TMEM114: variants seen among roughly 807,000 people sequenced by gnomAD.
TMEM114 encodes the protein claudin-26.
TMEM114 carries 6 observed loss-of-function variants against 6.2 expected under a neutral mutation model. The ratio of observed to expected loss-of-function variants is 0.97; its 90% confidence interval spans 0.53 to 1.91. The LOEUF (loss-of-function observed/expected upper bound fraction) is 1.91. Ranked by LOEUF, TMEM114 falls within the 40% of genes most tolerant of loss-of-function variation. The pLI, the probability that TMEM114 is intolerant of heterozygous loss-of-function variation, is 0.01. For missense variants in TMEM114, 218 were observed against 158.3 expected (o/e 1.38, Z -2.02); for synonymous variants, 104 against 73.0 (o/e 1.42, Z -2.16).
At chr16:8,551,750 T>A (rs1900850322) in intron 2 of TMEM114, among the ~76,000 whole-genome samples, 1 of 152,210 alleles carries the variant, frequency 6.6e-6, no homozygotes, top group South Asian at 2.1e-4. Flanking sequence ...ACAGTGTGTT[T>A]CTAGGGGTGT....
At chr16:8,564,265 T>G (rs11866822) in intron 2 of TMEM114, among the ~76,000 whole-genome samples, 265 of 9,546 alleles carry the variant, frequency 0.028, 3 homozygotes, top group Non-Finnish European at 0.041. Context: ...GAATGAGTGA[T>G]GAAATAAGTG....
chr16:8,529,240 G>C, the TMEM114 span, among the ~76,000 whole-genome samples: 45 of 152,310 alleles, frequency 3.0e-4, no homozygotes, highest in African/African-American at 1.0e-3. Context: ...TTCCACTCAA[G>C]GCTAGGATTA....
intron 2 of TMEM114, among the ~76,000 whole-genome samples, chr16:8,587,852 T>C (rs1902362477): frequency 6.8e-6 from 1 of 147,516 alleles, no homozygotes; most frequent in African/African-American, 2.5e-5. Context: ...CTGGGTAGGG[T>C]TGAGTGGAGG....
chr16:8,533,056 C>T (rs1429371446), downstream of TMEM114, among the ~76,000 whole-genome samples: 1 of 152,064 alleles, frequency 6.6e-6, no homozygotes, highest in African/African-American at 2.4e-5. Flanking sequence ...AAGTCCCTAC[C>T]ATAAAGGTAG....
intron 2 of TMEM114, among the ~76,000 whole-genome samples, chr16:8,557,026 A>G (rs1385951442): frequency 6.6e-6 from 1 of 152,106 alleles, no homozygotes; most frequent in African/African-American, 2.4e-5. Context: ...GGAAGAAATA[A>G]TGAATCGGTG....
chr16:8,541,269 C>G (rs1900508826), intron 2 of TMEM114, among the ~76,000 whole-genome samples: 3 of 152,164 alleles, frequency 2.0e-5, no homozygotes. Flanking sequence ...CCACTTATGT[C>G]TTACTCAAGA....
intron 2 of TMEM114, among the ~76,000 whole-genome samples, chr16:8,551,036 A>T (rs1900828206): frequency 6.6e-6 from 1 of 152,222 alleles, no homozygotes; most frequent in African/African-American, 2.4e-5. Flanking sequence ...AAGGTGACAG[A>T]GGTCTCCCGC....
chr16:8,571,279 T>C (rs1596309305), intron 3 of TMEM114, among the ~76,000 whole-genome samples: 1 of 152,202 alleles, frequency 6.6e-6, no homozygotes, highest in Non-Finnish European at 1.5e-5. Context: ...TTTTGTTTCA[T>C]CTTGTTTTTG....
At chr16:8,570,134 T>C in intron 3 of TMEM114, 129 bp from the exon 4 acceptor site, 1 of 1,271,094 alleles carries the variant, frequency 7.9e-7, no homozygotes, top group African/African-American at 1.5e-5. Flanking sequence ...TGCGGGACCT[T>C]TGCGCGTGCT....
rs558249442 is a variant in TMEM114 at position 8,571,995 on chromosome 16, G to A, written c.439+92C>T. 3.6e-6 allele frequency: 5 copies of A among 1,398,672 alleles called. No individual in the cohort carries two copies. The South Asian group carries it at 6.2e-5, about 17-fold the overall frequency. 86.6% of individuals were successfully genotyped at this position (1,398,672 alleles called of 1,614,324 possible). On this transcript the variant is annotated intron_variant, in intron 3 of 3. Coordinates refer to ENST00000620492, the MANE Select transcript of TMEM114 (RefSeq NM_001146336.2). ...GGAAACTGAACCCCACGAGGCCCTG[G>A]GATCCCCCTCGTTTGCTGAGGGTTC...
chr16:8,544,906 TCTC>T (rs1458819106), intron 2 of TMEM114, among the ~76,000 whole-genome samples: 2 of 149,266 alleles, frequency 1.3e-5, no homozygotes, highest in Non-Finnish European at 3.0e-5. Flanking sequence ...TGGTTACTCT[TCTC>T]CTCAACATCT....
chr16:8,573,738 C>A (rs1010243031), intron 2 of TMEM114, among the ~76,000 whole-genome samples: 14 of 152,272 alleles, frequency 9.2e-5, no homozygotes, highest in African/African-American at 3.4e-4. Context: ...GGAAGTCTTT[C>A]CTTACACTGC....
At chr16:8,566,028 T>C (rs1003939386), downstream of TMEM114, among the ~76,000 whole-genome samples, 3 of 151,972 alleles carry the variant, frequency 2.0e-5, no homozygotes, top group African/African-American at 7.3e-5. Context: ...TGGATCAGAA[T>C]AGAACAGAAC....
chr16:8,551,526 C>G (rs193180889), intron 2 of TMEM114, among the ~76,000 whole-genome samples: 2 of 152,202 alleles, frequency 1.3e-5, no homozygotes, highest in East Asian at 1.9e-4. Flanking sequence ...ACAGTTGGCC[C>G]CAAACTCAAC....
the TMEM114 span, among the ~76,000 whole-genome samples, chr16:8,527,010 C>G: frequency 2.0e-5 from 3 of 152,164 alleles, no homozygotes; most frequent in Non-Finnish European, 4.4e-5. Context: ...GAGCTCAAGA[C>G]CAGCCTGGCC....
chr16:8,528,811 C>G, the TMEM114 span, among the ~76,000 whole-genome samples: 4 of 152,222 alleles, frequency 2.6e-5, no homozygotes, highest in South Asian at 2.1e-4. Context: ...TCACTGAGCA[C>G]GCGCTCTGTG....
chr16:8,553,417 G>A (rs552702763), intron 2 of TMEM114, among the ~76,000 whole-genome samples: 7 of 152,104 alleles, frequency 4.6e-5, no homozygotes, highest in Non-Finnish European at 1.0e-4. Context: ...TTTTTGGGGG[G>A]ACTGAGTCTC....
chr16:8,557,557 A>G lies in TMEM114; in HGVS notation n.213-19731T>C, dbSNP rs1191934942. Among the ~76,000 whole-genome samples the G allele has an allele frequency of 2.0e-5, 3 of 152,208 alleles. No homozygotes were observed. The East Asian group carries it at 5.8e-4, about 29-fold the overall frequency. The stretch of plus-strand genomic sequence containing the variant: ...CCACAAGCAATATACAAGGGTCACT[A>G]GTTTTGGCCACTACATCTTGGGTAA... On this transcript the variant is annotated intron_variant and non_coding_transcript_variant, in intron 2 of 2. Coordinates refer to the TMEM114 transcript ENST00000623677.
At chr16:8,531,743 G>A in the TMEM114 span, among the ~76,000 whole-genome samples, 1 of 152,186 alleles carries the variant, frequency 6.6e-6, no homozygotes, top group Non-Finnish European at 1.5e-5. Flanking sequence ...ATAGTCTGTG[G>A]AATCCTCAAT....
Sources: allele counts gnomAD v4.1 joint callset (sites outside exome capture counted in the v4.1 genomes callset), GRCh38; gene constraint gnomAD v4.1.1; transcripts MANE v1.5; gene names NCBI Gene and HGNC (gene_info 2026-07-23, HGNC 2026-07-21).